PAXBP1: variants seen among roughly 807,000 people sequenced by gnomAD.
PAXBP1 encodes PAX3- and PAX7-binding protein 1.
In PAXBP1, 44 loss-of-function variants were observed where a neutral mutation model predicts 119.9. That is an observed-to-expected ratio of 0.37 (90% CI 0.29 to 0.47). The LOEUF (loss-of-function observed/expected upper bound fraction) is 0.47, where lower values mean the gene tolerates loss of function less well. Among genes scored for constraint, PAXBP1 ranks in the 20% least tolerant of loss-of-function variants. PAXBP1 has a pLI of 0.99. For synonymous variants in PAXBP1, 393 were observed against 406.6 expected (o/e 0.97, Z 0.40); for missense variants, 898 against 1,134.1 (o/e 0.79, Z 2.99).
intron 17 of PAXBP1, among the ~76,000 whole-genome samples, chr21:32,736,530 T>C (rs111438704): frequency 5.9e-5 from 9 of 152,170 alleles, no homozygotes; most frequent in African/African-American, 2.2e-4. Flanking sequence ...GGAAAAAATA[T>C]CCAATTTTCT....
rs973376225 is a variant in PAXBP1 at position 32,745,048 on chromosome 21, C to T, written c.2069-135G>A. The T allele has an allele frequency of 6.3e-6, 6 of 948,596 alleles. No homozygotes were observed. The South Asian group carries it at 9.1e-5, about 14-fold the overall frequency. 58.8% of individuals were successfully genotyped at this position (948,596 alleles called of 1,614,324 possible). A position where few individuals can be genotyped will look rare whatever the true frequency, so the allele number is the denominator to read the frequency against. ...CAATATAAGCTTTAGTCTTCTTTGT[C>T]CTATTAACTGTGGGAATTTGGAGGG... On this transcript the variant is annotated intron_variant, in intron 12 of 17. Transcript: ENST00000331923.
At position 32,748,650 on chromosome 21, in the gene PAXBP1, C is replaced by T. The variant is rs2043911477; in HGVS notation, c.1772G>A (p.Ser591Asn). The T allele has an allele frequency of 1.9e-6, 3 of 1,612,896 alleles. No homozygotes were observed. The highest frequency in any genetic ancestry group is 2.5e-6 in the Non-Finnish European group (3 of 1,179,380). The change falls in exon 11 of 18, where the codon AGT becomes AAT. Residue 591 changes from serine to asparagine, a missense_variant. Ser to Asn is a conservative substitution (Grantham distance 46). Around this residue, in one of 2 missense-constraint regions of PAXBP1, gnomAD observed 599 missense variants for 852.7 expected, o/e 0.70. Coordinates refer to ENST00000331923, the MANE Select transcript of PAXBP1 (RefSeq NM_016631.4). ...SGKVFEDVLE[S>N]FYSIDCIKSQ... ...TTTAATACAGTCAATTGAATAGAAA[C>T]TTTCAAGGACATCTTCAAAAACTTT...
chr21:32,762,399 C>G (rs2146515519), intron 3 of PAXBP1, 82 bp from the exon 4 acceptor site: 1 of 1,490,750 alleles, frequency 6.7e-7, no homozygotes, highest in South Asian at 1.3e-5. Context: ...TAAAATAATC[C>G]AAGATAGCCT....
intron 4 of PAXBP1, among the ~76,000 whole-genome samples, chr21:32,761,846 A>C (rs1325461110): frequency 1.3e-5 from 2 of 152,206 alleles, no homozygotes; most frequent in Non-Finnish European, 2.9e-5. Context: ...GACACCAGAC[A>C]CAGTGAGACC....
chr21:32,762,034 T>C, intron 4 of PAXBP1, 62 bp downstream of exon 4: 1 of 1,557,660 alleles, frequency 6.4e-7, no homozygotes, highest in Non-Finnish European at 8.8e-7. Flanking sequence ...AATGACACCC[T>C]GCCTTAAAAC....
intron 12 of PAXBP1, among the ~76,000 whole-genome samples, 195 bp downstream of exon 12, chr21:32,745,379 C>A (rs1031872016): frequency 6.6e-6 from 1 of 152,186 alleles, no homozygotes; most frequent in Non-Finnish European, 1.5e-5. Flanking sequence ...CACTCAACTA[C>A]AGGCCCACCC....
At chr21:32,757,811 GA>G (rs1346665761) in intron 7 of PAXBP1, among the ~76,000 whole-genome samples, 6 of 152,356 alleles carry the variant, frequency 3.9e-5, no homozygotes, top group African/African-American at 1.4e-4. Flanking sequence ...ACTGGGCTCA[GA>G]AGAGTTTTGC....
intron 13 of PAXBP1, 43 bp from the exon 14 acceptor site, chr21:32,743,797 G>A: frequency 9.0e-7 from 1 of 1,116,386 alleles, no homozygotes; most frequent in South Asian, 1.4e-5. Flanking sequence ...TAAGGACTAT[G>A]ACAAGAAAAA....
chr21:32,743,511 G>A (rs564669853), intron 14 of PAXBP1, among the ~76,000 whole-genome samples, 167 bp downstream of exon 14: 1 of 152,306 alleles, frequency 6.6e-6, no homozygotes, highest in African/African-American at 2.4e-5. Flanking sequence ...GAACGTAAGA[G>A]TATTGTTTTA....
At chr21:32,764,651 G>A (rs2044210269) in intron 2 of PAXBP1, 127 bp from the exon 3 acceptor site, 5 of 646,184 alleles carry the variant, frequency 7.7e-6, no homozygotes, top group South Asian at 2.4e-5. Flanking sequence ...ATTCAATTAT[G>A]GGCTCAATCC....
intron 15 of PAXBP1, 47 bp from the exon 16 acceptor site, chr21:32,738,366 T>C (rs1467791236): frequency 6.8e-7 from 1 of 1,475,082 alleles, no homozygotes; most frequent in South Asian, 1.3e-5. Flanking sequence ...TTAGATTAGG[T>C]ACAAAGTAAA....
At chr21:32,770,001 C>T in intron 1 of PAXBP1, 59 bp from the exon 2 acceptor site, 1 of 1,303,182 alleles carries the variant, frequency 7.7e-7, no homozygotes. Flanking sequence ...ATTTTCCCTT[C>T]TTTCACATGA....
chr21:32,755,507 T>C, intron 7 of PAXBP1, 154 bp from the exon 8 acceptor site: 1 of 918,948 alleles, frequency 1.1e-6, no homozygotes, highest in Non-Finnish European at 1.6e-6. Context: ...AATTCTGTTT[T>C]ATGTTTGGGA....
intron 2 of PAXBP1, among the ~76,000 whole-genome samples, chr21:32,765,514 G>A (rs997384998): frequency 6.6e-6 from 1 of 152,132 alleles, no homozygotes; most frequent in Non-Finnish European, 1.5e-5. Flanking sequence ...TAAAGCAAAA[G>A]TTTATTCTCA....
Position 32,734,179 on chromosome 21 carries a change from C to G in PAXBP1, c.*771G>C, listed in dbSNP as rs1275279042. ...TTAAATATGACAGACTACTAAAATTCAAATGCATGTATCTGCAAGCTGGGC... is the reference window on the plus strand; with the variant it reads ...TTAAATATGACAGACTACTAAAATTGAAATGCATGTATCTGCAAGCTGGGC... On this transcript the variant is annotated 3_prime_UTR_variant, in exon 18 of 18. Transcript: ENST00000331923. 2 of 152,594 alleles carry G rather than the reference C, an allele frequency of 1.3e-5. No individual in the cohort carries two copies. Among genetic ancestry groups the G allele is most frequent in the Non-Finnish European group, 2.9e-5 (2 of 68,022 alleles). The allele number at this position is 152,594 out of a possible 1,614,324, so 9.5% of individuals were successfully genotyped here.
At chr21:32,737,529 C>A in intron 16 of PAXBP1, 121 bp from the exon 17 acceptor site, 3 of 758,156 alleles carry the variant, frequency 4.0e-6, no homozygotes, top group South Asian at 2.4e-5. Context: ...TGAGCTACAG[C>A]AATTACTCTG....
intron 8 of PAXBP1, among the ~76,000 whole-genome samples, chr21:32,753,445 A>T (rs866734000): frequency 1.6e-3 from 245 of 152,034 alleles, no homozygotes; most frequent in Middle Eastern, 6.8e-3. Context: ...AAAAAAAAAA[A>T]AACATTATAC....
intron 10 of PAXBP1, among the ~76,000 whole-genome samples, chr21:32,749,955 C>T (rs982034629): frequency 6.6e-6 from 1 of 152,032 alleles, no homozygotes; most frequent in African/African-American, 2.4e-5. Flanking sequence ...TTAGGTGGAT[C>T]CTGGTTTCAA....
intron 10 of PAXBP1, among the ~76,000 whole-genome samples, chr21:32,750,299 A>G (rs981199745): frequency 6.6e-6 from 1 of 152,328 alleles, no homozygotes; most frequent in East Asian, 1.9e-4. Flanking sequence ...AAGCATTGTT[A>G]TCTGAGTGAT....
Sources: allele counts gnomAD v4.1 joint callset (sites outside exome capture counted in the v4.1 genomes callset), GRCh38; gene constraint gnomAD v4.1.1; regional missense constraint gnomAD v4.1.1; transcripts MANE v1.5; gene names NCBI Gene and HGNC (gene_info 2026-07-23, HGNC 2026-07-21).